Variants in APOH observed in about 807,000 individuals in gnomAD.
The protein encoded by APOH is beta-2-glycoprotein 1.
APOH carries 48 observed loss-of-function variants against 39.8 expected under a neutral mutation model. The observed-to-expected ratio is 1.21, with a 90% CI of 0.96 to 1.54. APOH has a LOEUF of 1.54. Ranked by LOEUF, APOH falls within the 40% of genes most tolerant of loss-of-function variation. The probability of loss-of-function intolerance (pLI) is 0.00; values close to 1 mark genes in which losing one functional copy is unlikely to be tolerated. For missense variants in APOH, 415 were observed against 421.2 expected (o/e 0.99, Z 0.13); for synonymous variants, 153 against 151.1 (o/e 1.01, Z -0.09).
Position 66,228,167 on chromosome 17 carries a change from A to C in APOH, c.94T>G (p.Ser32Ala), listed in dbSNP as rs566373863. ...AATGTTTTTAACGGGACCACTGTGG[A>C]AAATGGTAAATCATCTGGCTTGGGA... ...TCPKPDDLPF[S>A]TVVPLKTFYE... is the part of the protein sequence containing the mutation. Residue 32 changes from serine to alanine, a missense_variant, in exon 2 of 8, where the codon TCC becomes GCC. By Grantham distance (99) the Ser-to-Ala change is moderately conservative. Around this residue, in one of 3 missense-constraint regions of APOH, gnomAD observed 288 missense variants for 284.9 expected, o/e 1.01. Coordinates refer to ENST00000205948, the MANE Select transcript of APOH (RefSeq NM_000042.3). 1 of 1,614,118 alleles carries C rather than the reference A, an allele frequency of 6.2e-7. No homozygotes were observed. Among genetic ancestry groups the C allele is most frequent in the South Asian group, 1.1e-5 (1 of 91,082 alleles).
At chr17:66,215,829 G>A (rs917466340) in intron 6 of APOH, among the ~76,000 whole-genome samples, 2 of 152,250 alleles carry the variant, frequency 1.3e-5, no homozygotes, top group Admixed American at 6.5e-5. Context: ...GCAGAGAGAC[G>A]GAAATGGGAG....
intron 6 of APOH, among the ~76,000 whole-genome samples, chr17:66,216,342 G>A (rs1015138218): frequency 6.6e-6 from 1 of 151,984 alleles, no homozygotes; most frequent in Non-Finnish European, 1.5e-5. Context: ...AATTAGCCAG[G>A]TGTGGTGGTG....
rs1449823168 is a variant in APOH at position 66,226,028 on chromosome 17, C to T, written c.338G>A (p.Gly113Glu). ...TGCTTAGTTCCATGAAAGTTCTTACCCAGTGTTACAAGAAAAACTGATCGT... is the reference window on the plus strand; with the variant it reads ...TGCTTAGTTCCATGAAAGTTCTTACTCAGTGTTACAAGAAAAACTGATCGT... ...PNTISFSCNTGFYLNGADSAK... is the reference protein window; with the variant it reads ...PNTISFSCNTEFYLNGADSAK... The change falls in exon 3 of 8, where the codon GGG becomes GAG. Residue 113 changes from glycine to glutamate, a missense_variant and splice_region_variant. Transcript: ENST00000205948. 3.4e-5 allele frequency: 54 copies of T among 1,606,858 alleles called. No homozygotes were observed. The highest frequency in any genetic ancestry group is 1.7e-4 in the Middle Eastern group (1 of 6,056).
intron 6 of APOH, 95 bp from the exon 7 acceptor site, chr17:66,214,745 C>T (rs2073354714): frequency 9.2e-7 from 1 of 1,087,214 alleles, no homozygotes; most frequent in Admixed American, 2.2e-5. Flanking sequence ...AGTACACCTA[C>T]ACAAATTGGT....
intron 4 of APOH, among the ~76,000 whole-genome samples, chr17:66,222,143 C>G (rs1157897282): frequency 6.6e-6 from 1 of 152,160 alleles, no homozygotes; most frequent in Admixed American, 6.5e-5. Flanking sequence ...TCCCAGAGCC[C>G]TGAGAGGCTG....
At chr17:66,216,350 G>A (rs1460818138) in intron 6 of APOH, among the ~76,000 whole-genome samples, 4 of 151,970 alleles carry the variant, frequency 2.6e-5, no homozygotes, top group Non-Finnish European at 5.9e-5. Flanking sequence ...AGGTGTGGTG[G>A]TGGGGTGCCT....
Position 66,219,934 on chromosome 17 carries a change from G to T in APOH, c.604+620C>A, listed in dbSNP as rs189064690. Among the ~76,000 whole-genome samples the T allele has an allele frequency of 2.0e-5, 3 of 152,176 alleles. No individual in the cohort carries two copies. In the East Asian group the frequency reaches 5.8e-4, roughly 29 times the overall value. On this transcript the variant is annotated intron_variant, in intron 5 of 7. Transcript: ENST00000205948. ...AAAAAAAGAAAAAAACAAACTATTT[G>T]TGCACATGATAAACTTTATAATTTG...
intron 3 of APOH, among the ~76,000 whole-genome samples, chr17:66,224,470 T>TAAAAAAAAAAAA (rs760150264): frequency 1.6e-4 from 7 of 43,014 alleles, no homozygotes; most frequent in Admixed American, 4.7e-4. Flanking sequence ...GAAGATCCTG[T>TAAAAAAAAAAAA]AAAAAAAAAA....
At chr17:66,229,082 C>T (rs1412241900) in intron 1 of APOH, among the ~76,000 whole-genome samples, 1 of 151,940 alleles carries the variant, frequency 6.6e-6, no homozygotes, top group Non-Finnish European at 1.5e-5. Context: ...ATTCGCCCAC[C>T]TCGGCCATGA....
At chr17:66,215,494 C>T (rs1023060642) in intron 6 of APOH, among the ~76,000 whole-genome samples, 3 of 152,218 alleles carry the variant, frequency 2.0e-5, no homozygotes, top group Admixed American at 6.5e-5. Flanking sequence ...CTTTCTTCTC[C>T]TGAGACATTC....
rs768884547 is a variant in APOH, at chr17:66,228,088, C to T, written c.173G>A (p.Arg58Gln). The T allele has an allele frequency of 3.1e-6, 5 of 1,614,090 alleles. No individual in the cohort carries two copies. The highest frequency in any genetic ancestry group is 3.3e-5 in the Admixed American group (2 of 59,996). ...GCAGATAAACTTTCTCATCCCTCCT[C>T]GGGACACATAGCCCGGCTTGCAGGA... ...TYSCKPGYVS[R>Q]GGMRKFICPL... The change falls in exon 2 of 8, where the codon CGA becomes CAA. Residue 58 changes from arginine (R) to glutamine (Q), a missense_variant. Arg to Gln is a conservative substitution (Grantham distance 43). Transcript: ENST00000205948.
intron 3 of APOH, among the ~76,000 whole-genome samples, chr17:66,225,045 T>C (rs746595003): frequency 1.4e-5 from 2 of 142,674 alleles, no homozygotes; most frequent in African/African-American, 2.7e-5. Flanking sequence ...CTAGCCTGGG[T>C]GACAGAGCAA....
chr17:66,221,909 G>A (rs890840163), intron 4 of APOH, among the ~76,000 whole-genome samples: 10 of 152,164 alleles, frequency 6.6e-5, no homozygotes, highest in African/African-American at 2.4e-4. Context: ...CTAGCAGCAC[G>A]GGCATAGCCT....
chr17:66,228,129 T>C lies in APOH; in HGVS notation c.132A>G (p.Gly44=). The C allele has an allele frequency of 6.2e-7, 1 of 1,614,124 alleles. No individual in the cohort carries two copies. The highest frequency in any genetic ancestry group is 1.1e-5 in the South Asian group (1 of 91,082). Residue 44 remains glycine (G), a synonymous_variant, in exon 2 of 8, where the codon GGA becomes GGG. Coordinates refer to ENST00000205948, the MANE Select transcript of APOH (RefSeq NM_000042.3). ...GCTTGCAGGAATACGTAATCTCTTCTCCTGGCTCATAGAATGTTTTTAACG... is the reference window on the plus strand; with the variant it reads ...GCTTGCAGGAATACGTAATCTCTTCCCCTGGCTCATAGAATGTTTTTAACG... ...VVPLKTFYEP[G]EEITYSCKPG... is the part of the protein sequence containing the mutation.
chr17:66,224,184 A>G (rs1598553277), intron 3 of APOH, among the ~76,000 whole-genome samples: 1 of 152,202 alleles, frequency 6.6e-6, no homozygotes, highest in Non-Finnish European at 1.5e-5. Context: ...CAATGAAAAT[A>G]TAGCATTCTG....
chr17:66,227,954 C>T, intron 2 of APOH, 66 bp downstream of exon 2: 7 of 1,534,730 alleles, frequency 4.6e-6, no homozygotes, highest in Non-Finnish European at 6.2e-6. Flanking sequence ...GACGAGGTAG[C>T]TTATTCCTCC....
In APOH at chr17:66,220,633, C is replaced by T. The variant is rs778253457; in HGVS notation, c.525G>A (p.Leu175=). The T allele has an allele frequency of 8.7e-6, 14 of 1,614,024 alleles. No individual in the cohort carries two copies. Among genetic ancestry groups the T allele is most frequent in the African/African-American group, 1.3e-5 (1 of 74,918 alleles). Residue 175 remains leucine (L), a synonymous_variant, in exon 5 of 8, where the codon TTG becomes TTA. Transcript: ENST00000205948. ...LYRDTAVFEC[L]PQHAMFGNDT... ...CATTTCCAAACATCGCATGTTGTGG[C>T]AAACATTCAAAAACTGCTGTGTCCC...
rs763848928 is a variant in APOH, at chr17:66,212,151, G to A, written c.1020C>T (p.Ser340=). The change falls in exon 8 of 8, where the codon TCC becomes TCT. Residue 340 remains serine, a synonymous_variant. Transcript: ENST00000205948. The part of the protein sequence containing the change: ...SSLAFWKTDA[S]DVKPC ...AACCACCTTAGCATGGCTTTACATCGGATGCATCAGTTTTCCAAAAAGCCA... is the reference window on the plus strand; with the variant it reads ...AACCACCTTAGCATGGCTTTACATCAGATGCATCAGTTTTCCAAAAAGCCA... 1.9e-5 allele frequency: 31 copies of A among 1,613,596 alleles called. No homozygotes were observed. The highest frequency in any genetic ancestry group is 1.3e-4 in the Admixed American group (8 of 59,970).
At chr17:66,212,658 T>A (rs1412178234) in intron 7 of APOH, among the ~76,000 whole-genome samples, 1 of 152,154 alleles carries the variant, frequency 6.6e-6, no homozygotes, top group Non-Finnish European at 1.5e-5. Context: ...GGATTACAAG[T>A]GTGAGCCACT....
Sources: gnomAD v4.1 joint callset for allele counts (sites outside exome capture counted in the v4.1 genomes callset) on GRCh38, gnomAD v4.1.1 for gene constraint, gnomAD v4.1.1 regional missense constraint, MANE v1.5 for transcripts, NCBI Gene and HGNC (gene_info 2026-07-23, HGNC 2026-07-21) for gene names.